The following FHAD1 variants were observed in gnomAD, a reference collection of about 807,000 sequenced individuals.
FHAD1 encodes the protein forkhead-associated domain-containing protein 1.
Under a neutral mutation model 191.3 loss-of-function variants are expected in FHAD1, and 146 were observed. The ratio of observed to expected loss-of-function variants is 0.76; its 90% CI spans 0.67 to 0.88. FHAD1 has a LOEUF of 0.88. FHAD1 is among the 40% of genes least tolerant of loss of function. FHAD1 has a pLI of 0.00. For synonymous variants in FHAD1, 616 were observed against 672.3 expected (o/e 0.92, Z 1.29); for missense variants, 1,635 against 1,785.8 (o/e 0.92, Z 1.52).
chr1:15,258,506 A>G (rs1649398667), intron 2 of FHAD1, among the ~76,000 whole-genome samples: 1 of 151,426 alleles, frequency 6.6e-6, no homozygotes, highest in Admixed American at 6.6e-5. Flanking sequence ...CTGTCAATGG[A>G]CACTTGGGTT....
At chr1:15,253,148 CTGTG>C (rs5772631) in intron 2 of FHAD1, among the ~76,000 whole-genome samples, 6,031 of 145,930 alleles carry the variant, frequency 0.041, 347 homozygotes, top group African/African-American at 0.13. Context: ...GACATAAGTG[CTGTG>C]TGTGTGTGTG....
chr1:15,362,072 T>G (rs1041737261), intron 22 of FHAD1, among the ~76,000 whole-genome samples: 19 of 145,574 alleles, frequency 1.3e-4, no homozygotes, highest in African/African-American at 3.8e-4. Context: ...AGAGGGAGGG[T>G]GTTTGAGATT....
chr1:15,303,183 A>G (rs1433027331), intron 6 of FHAD1, among the ~76,000 whole-genome samples: 2 of 152,224 alleles, frequency 1.3e-5, no homozygotes, highest in East Asian at 3.8e-4. Context: ...GACAGAGTAG[A>G]CAACAAAACA....
intron 15 of FHAD1, 149 bp from the exon 16 acceptor site, chr1:15,341,587 C>T: frequency 1.9e-6 from 1 of 523,486 alleles, no homozygotes; most frequent in Non-Finnish European, 3.3e-6. Context: ...AATTCTTAAC[C>T]ACAGCATGCT....
intron 2 of FHAD1, among the ~76,000 whole-genome samples, chr1:15,262,010 T>C (rs1301298080): frequency 6.6e-6 from 1 of 152,060 alleles, no homozygotes; most frequent in Non-Finnish European, 1.5e-5. Flanking sequence ...CCCTGTGTTT[T>C]TAGCACACAC....
chr1:15,358,023 C>A, intron 20 of FHAD1, 87 bp from the exon 21 acceptor site: 1 of 912,088 alleles, frequency 1.1e-6, no homozygotes, highest in Non-Finnish European at 1.6e-6. Flanking sequence ...ATAGACTTTA[C>A]CCTGTCCTTG....
At chr1:15,322,013 A>G (rs1285815810) in intron 10 of FHAD1, among the ~76,000 whole-genome samples, 1 of 152,246 alleles carries the variant, frequency 6.6e-6, no homozygotes, top group East Asian at 1.9e-4. Flanking sequence ...CTATAACCTA[A>G]CTATTGCACC....
At chr1:15,395,881 G>A (rs1705785263) in intron 33 of FHAD1, among the ~76,000 whole-genome samples, 1 of 152,092 alleles carries the variant, frequency 6.6e-6, no homozygotes, top group African/African-American at 2.4e-5. Flanking sequence ...TGTGGCCCAG[G>A]GAAGCCAAAA....
intron 18 of FHAD1, 135 bp from the exon 19 acceptor site, chr1:15,348,907 C>T (rs1334178016): frequency 4.8e-6 from 3 of 623,354 alleles, no homozygotes; most frequent in Non-Finnish European, 8.4e-6. Context: ...TGGCCAGGGG[C>T]CCAGGTGTAT....
rs987452668 is a variant in FHAD1, at chr1:15,360,513, G to A, written c.2772G>A (p.Lys924=). Residue 924 remains lysine (K), a synonymous_variant, in exon 22 of 34, where the codon AAG becomes AAA. Coordinates refer to ENST00000688493, the MANE Select transcript of FHAD1 (RefSeq NM_001391957.1). ...MVEERLILQQ[K]MVKALQDEQE... Reference sequence around the variant, plus strand: ...AAGAGCGGCTAATCCTGCAGCAGAAGATGGTAAAGGCCCTCCAGGATGAGC... The same window carrying A: ...AAGAGCGGCTAATCCTGCAGCAGAAAATGGTAAAGGCCCTCCAGGATGAGC... 10 of 1,551,498 alleles carry A rather than the reference G, an allele frequency of 6.4e-6. No individual in the cohort carries two copies. The highest frequency in any genetic ancestry group is 8.7e-6 in the Non-Finnish European group (10 of 1,146,914).
intron 2 of FHAD1, among the ~76,000 whole-genome samples, chr1:15,252,714 C>T (rs568278511): frequency 3.9e-5 from 6 of 152,324 alleles, no homozygotes; most frequent in Admixed American, 6.5e-5. Context: ...ATGGGACTGC[C>T]GTGGGCCCCT....
rs565359134 is a variant in FHAD1, at chr1:15,336,625, A to G, written c.1907-2856A>G. ...TGGCTGTACCATCCTGAAAAAAATC[A>G]TTCTTCTCTGGAATCCATCGCTTCT... On this transcript the variant is annotated intron_variant, in intron 14 of 33. Transcript: ENST00000688493. Among the ~76,000 whole-genome samples the G allele has an allele frequency of 2.6e-5, 4 of 152,220 alleles. No individual in the cohort carries two copies. In the East Asian group the frequency reaches 7.7e-4, roughly 29 times the overall value.
At chr1:15,324,089 C>T (rs1677344871) in intron 10 of FHAD1, among the ~76,000 whole-genome samples, 1 of 152,160 alleles carries the variant, frequency 6.6e-6, no homozygotes, top group Non-Finnish European at 1.5e-5. Flanking sequence ...TTTTTAAAAT[C>T]CCCACAATAA....
intron 32 of FHAD1, among the ~76,000 whole-genome samples, chr1:15,389,063 C>G (rs1373278639): frequency 2.0e-5 from 3 of 152,108 alleles, no homozygotes; most frequent in African/African-American, 4.8e-5. Flanking sequence ...TTCCTGGAGC[C>G]CTTGTGCCCC....
At chr1:15,298,833 G>C (rs1042531485) in intron 5 of FHAD1, among the ~76,000 whole-genome samples, 2 of 152,000 alleles carry the variant, frequency 1.3e-5, no homozygotes, top group Admixed American at 6.6e-5. Flanking sequence ...GCCCTGACTT[G>C]TCAGGACTCC....
At chr1:15,295,345 C>G (rs887595076) in intron 4 of FHAD1, among the ~76,000 whole-genome samples, 1 of 152,008 alleles carries the variant, frequency 6.6e-6, no homozygotes, top group Non-Finnish European at 1.5e-5. Flanking sequence ...ATAGTGGCTC[C>G]CATCTGTAAT....
rs77186755 is a variant in FHAD1 at position 15,247,272 on chromosome 1, G to A, written c.-138G>A. 7.0e-3 allele frequency: 1,283 copies of A among 182,814 alleles called. 14 individuals are homozygous for A. Among genetic ancestry groups the A allele is most frequent in the African/African-American group, 0.029 (1,188 of 41,670 alleles). 11.3% of individuals were successfully genotyped at this position (182,814 alleles called of 1,614,324 possible). A position where few individuals can be genotyped will look rare whatever the true frequency, so the allele number is the denominator to read the frequency against. On this transcript the variant is annotated 5_prime_UTR_variant, in exon 1 of 34. Transcript: ENST00000688493. The stretch of plus-strand genomic sequence containing the variant: ...AGGCCGGCCGGGCGGGCGGGGTGCC[G>A]GGTGCGAGCTGGAGACTCCGCGGGA...
intron 33 of FHAD1, among the ~76,000 whole-genome samples, chr1:15,396,621 C>G (rs930518258): frequency 1.3e-5 from 2 of 151,700 alleles, no homozygotes; most frequent in African/African-American, 2.4e-5. Flanking sequence ...CCAACTTGAC[C>G]AACATGGTGA....
At chr1:15,388,265 C>T (rs1362580950) in intron 32 of FHAD1, 134 bp downstream of exon 32, 7 of 370,020 alleles carry the variant, frequency 1.9e-5, no homozygotes, top group Non-Finnish European at 3.3e-5. Flanking sequence ...CTTCCCTCCC[C>T]AGCCTCTGCC....
Sources: gnomAD v4.1 joint callset for allele counts (sites outside exome capture counted in the v4.1 genomes callset) on GRCh38, gnomAD v4.1.1 for gene constraint, MANE v1.5 for transcripts, NCBI Gene and HGNC (gene_info 2026-07-23, HGNC 2026-07-21) for gene names.